The following EPHA3 variants were observed in gnomAD, a reference collection of about 807,000 sequenced individuals.
The protein encoded by EPHA3 is EPH receptor A3.
Under a neutral mutation model 107.1 loss-of-function variants are expected in EPHA3, and 42 were observed. The observed-to-expected ratio is 0.39, with a 90% CI of 0.31 to 0.51. The LOEUF is 0.51. Ranked by LOEUF, EPHA3 falls within the 20% of genes least tolerant of loss-of-function variation. The pLI is 0.78. For synonymous variants in EPHA3, 461 were observed against 424.8 expected, an observed-to-expected ratio of 1.09 and a Z score of -1.05; for missense variants, 1,183 against 1,211.2, an observed-to-expected ratio of 0.98 and a Z score of 0.35.
rs1709309021 is a variant in EPHA3, at chr3:89,419,227, T to A, written c.1911T>A (p.Ser637Arg). 3 of 1,608,960 alleles carry A rather than the reference T, an allele frequency of 1.9e-6. No homozygotes were observed. The highest frequency in any genetic ancestry group is 2.5e-6 in the Non-Finnish European group (3 of 1,176,938). The change falls in exon 11 of 17, where the codon AGT (serine) becomes AGA (arginine). Residue 637 changes from serine (S) to arginine (R), a missense_variant. Ser to Arg is a moderately radical substitution (Grantham distance 110, BLOSUM62 -1). Transcript: ENST00000336596. ...VGAGEFGEVCSGRLKLPSKKE... is the reference protein window; with the variant it reads ...VGAGEFGEVCRGRLKLPSKKE... ...CAGGTGAATTTGGAGAGGTGTGCAG[T>A]GGTCGCTTAAAACTTCCTTCAAAAA...
chr3:89,254,518 C>T (rs183864163), intron 3 of EPHA3, among the ~76,000 whole-genome samples: 3 of 152,298 alleles, frequency 2.0e-5, no homozygotes, highest in African/African-American at 7.2e-5. Context: ...GTGTAAAACT[C>T]TATCTTGATA....
chr3:89,361,815 G>A (rs1295648087), intron 5 of EPHA3, among the ~76,000 whole-genome samples: 2 of 151,024 alleles, frequency 1.3e-5, no homozygotes, highest in African/African-American at 4.8e-5. Flanking sequence ...CCACATGAGA[G>A]CTGGCTTTTG....
chr3:89,322,123 GA>G (rs1226801280), intron 3 of EPHA3, among the ~76,000 whole-genome samples: 1 of 151,484 alleles, frequency 6.6e-6, no homozygotes, highest in Non-Finnish European at 1.5e-5. Context: ...CACACACACA[GA>G]GGGGGGTTGG....
chr3:89,399,450 C>A lies in EPHA3; in HGVS notation c.1564C>A (p.Arg522Ser), dbSNP rs759973751. Residue 522 changes from arginine (R) to serine (S), a missense_variant, in exon 7 of 17, where the codon CGC becomes AGC. Physicochemically the swap from Arg to Ser is moderately radical, Grantham distance 110 (BLOSUM62 -1). Coordinates refer to ENST00000336596, the MANE Select transcript of EPHA3 (RefSeq NM_005233.6). ...AGCCGCTGGATATGGGACGAACAGC[C>A]GCAAGTTTGAGTTTGAAACTAGTCC... ...RTAAGYGTNSRKFEFETSPDS... is the reference protein window; with the variant it reads ...RTAAGYGTNSSKFEFETSPDS... The A allele has an allele frequency of 4.4e-5, 71 of 1,613,910 alleles. No homozygotes were observed. The highest frequency in any genetic ancestry group is 5.9e-5 in the Non-Finnish European group (70 of 1,179,998).
chr3:89,227,182 A>G (rs1704521971), intron 3 of EPHA3, among the ~76,000 whole-genome samples: 1 of 152,084 alleles, frequency 6.6e-6, no homozygotes, highest in Non-Finnish European at 1.5e-5. Context: ...TATCATTTCT[A>G]CATTTACTTT....
At chr3:89,191,500 G>T (rs1402045368) in intron 2 of EPHA3, among the ~76,000 whole-genome samples, 1 of 151,838 alleles carries the variant, frequency 6.6e-6, no homozygotes, top group Non-Finnish European at 1.5e-5. Context: ...TAGAGACGGG[G>T]TTTCACTGTG....
intron 2 of EPHA3, among the ~76,000 whole-genome samples, chr3:89,160,853 A>AT (rs546590983): frequency 6.6e-6 from 1 of 152,042 alleles, no homozygotes; most frequent in Non-Finnish European, 1.5e-5. Context: ...CATTAAAAAC[A>AT]TTTTTTAACT....
chr3:89,426,115 T>G (rs1709451954), intron 11 of EPHA3, among the ~76,000 whole-genome samples: 1 of 151,720 alleles, frequency 6.6e-6, no homozygotes, highest in African/African-American at 2.4e-5. Flanking sequence ...CAGATGTGTT[T>G]TGGGGTTTCT....
At chr3:89,153,490 A>G (rs991659784) in intron 2 of EPHA3, among the ~76,000 whole-genome samples, 2 of 152,110 alleles carry the variant, frequency 1.3e-5, no homozygotes, top group African/African-American at 4.8e-5. Context: ...TTCCTCATCC[A>G]TGGCCACTTC....
At chr3:89,300,724 C>T (rs990255137) in intron 3 of EPHA3, among the ~76,000 whole-genome samples, 12 of 152,022 alleles carry the variant, frequency 7.9e-5, no homozygotes, top group African/African-American at 2.9e-4. Context: ...GCTCTGTACT[C>T]CAAGATATAC....
intron 13 of EPHA3, among the ~76,000 whole-genome samples, chr3:89,443,136 G>A (rs567800632): frequency 1.1e-4 from 17 of 152,158 alleles, no homozygotes; most frequent in Admixed American, 6.5e-4. Flanking sequence ...AAGGGGTAAC[G>A]TCCATGTGTG....
intron 3 of EPHA3, among the ~76,000 whole-genome samples, chr3:89,273,423 C>T (rs1441282503): frequency 1.3e-5 from 2 of 151,920 alleles, no homozygotes; most frequent in African/African-American, 2.4e-5. Flanking sequence ...GCCAACTTTT[C>T]TTTTTGCCCA....
chr3:89,419,285 G>T lies in EPHA3; in HGVS notation c.1969G>T (p.Val657Phe), dbSNP rs748999069. 7.5e-6 allele frequency: 12 copies of T among 1,610,432 alleles called. No individual in the cohort carries two copies. The highest frequency in any genetic ancestry group is 1.7e-5 in the Admixed American group (1 of 59,632). ...TTCAGTGGCCATTAAGACCCTGAAA[G>T]TTGGCTACACAGAAAAGCAGAGGAG... ...EISVAIKTLK[V>F]GYTEKQRRDF... Residue 657 changes from valine to phenylalanine, a missense_variant, in exon 11 of 17, where the codon GTT (valine) becomes TTT (phenylalanine). Coordinates refer to ENST00000336596, the MANE Select transcript of EPHA3 (RefSeq NM_005233.6).
At chr3:89,160,244 CAACA>C (rs1299173068) in intron 2 of EPHA3, among the ~76,000 whole-genome samples, 1 of 151,666 alleles carries the variant, frequency 6.6e-6, no homozygotes, top group Non-Finnish European at 1.5e-5. Flanking sequence ...GGGTAACAGA[CAACA>C]AACATATAAT....
intron 3 of EPHA3, among the ~76,000 whole-genome samples, chr3:89,242,012 G>A (rs1448493408): frequency 6.6e-6 from 1 of 152,070 alleles, no homozygotes; most frequent in East Asian, 1.9e-4. Context: ...AGATTAAATT[G>A]TCCTTTAGTG....
intron 2 of EPHA3, among the ~76,000 whole-genome samples, chr3:89,173,115 G>C (rs1418051785): frequency 6.6e-6 from 1 of 152,068 alleles, no homozygotes; most frequent in Non-Finnish European, 1.5e-5. Flanking sequence ...CAAAAAAGAT[G>C]AGTTTTTTGT....
intron 3 of EPHA3, among the ~76,000 whole-genome samples, chr3:89,338,441 C>A (rs547193737): frequency 2.0e-5 from 3 of 152,330 alleles, no homozygotes; most frequent in African/African-American, 7.2e-5. Context: ...ATGCCCGCTG[C>A]CCATTTTCTA....
intron 5 of EPHA3, among the ~76,000 whole-genome samples, chr3:89,360,377 A>T (rs1708067962): frequency 6.6e-6 from 1 of 151,092 alleles, no homozygotes; most frequent in South Asian, 2.1e-4. Context: ...TTGGAGCACT[A>T]TGAGTAATCT....
chr3:89,428,490 TCA>T (rs1709500776), intron 11 of EPHA3, among the ~76,000 whole-genome samples: 1 of 152,118 alleles, frequency 6.6e-6, no homozygotes, highest in Non-Finnish European at 1.5e-5. Context: ...AATTTTAATT[TCA>T]GTTTTATTTT....
Sources: gnomAD v4.1 joint callset for allele counts (sites outside exome capture counted in the v4.1 genomes callset) on GRCh38, gnomAD v4.1.1 for gene constraint, MANE v1.5 for transcripts, NCBI Gene and HGNC (gene_info 2026-07-23, HGNC 2026-07-21) for gene names.